DAGLA: variants seen among roughly 807,000 people sequenced by gnomAD.
DAGLA encodes the protein diacylglycerol lipase alpha.
A neutral mutation model predicts 102.6 loss-of-function variants in DAGLA; 22 were observed. The observed-to-expected ratio is 0.21, with a 90% confidence interval of 0.15 to 0.31. The LOEUF (loss-of-function observed/expected upper bound fraction) is 0.31, where lower values mean the gene tolerates loss of function less well. Among genes scored for constraint, DAGLA ranks in the 10% least tolerant of loss-of-function variants. The probability of loss-of-function intolerance (pLI) is 1.00; values close to 1 mark genes in which losing one functional copy is unlikely to be tolerated. For synonymous variants in DAGLA, 578 were observed against 628.9 expected (o/e 0.92, Z 1.21); for missense variants, 927 against 1,446.6 (o/e 0.64, Z 5.83).
rs1441104310 is a variant in DAGLA, at chr11:61,746,828, C to T, written c.*2339C>T. ...GCCGGGCCCCACAGACCCTCATGCA[C>T]TCTCTTACGTGCCATTCTCCCCAGA... is the stretch of plus-strand genomic sequence containing the variant. On this transcript the variant is annotated 3_prime_UTR_variant, in exon 20 of 20. Coordinates refer to ENST00000257215, the MANE Select transcript of DAGLA (RefSeq NM_006133.3). 6.6e-6 allele frequency: 1 copy of T among 152,628 alleles called. No individual in the cohort carries two copies. The highest frequency in any genetic ancestry group is 2.4e-5 in the African/African-American group (1 of 41,458). 9.5% of individuals were successfully genotyped at this position (152,628 alleles called of 1,614,324 possible).
At chr11:61,685,297 T>A (rs1259960195) in intron 1 of DAGLA, among the ~76,000 whole-genome samples, 2 of 152,142 alleles carry the variant, frequency 1.3e-5, no homozygotes, top group Admixed American at 6.5e-5. Flanking sequence ...AAACACGCAC[T>A]GAAAAAATGT....
At chr11:61,698,154 G>A (rs541923445) in intron 1 of DAGLA, among the ~76,000 whole-genome samples, 34 of 152,356 alleles carry the variant, frequency 2.2e-4, no homozygotes, top group African/African-American at 7.7e-4. Context: ...CTTGTCCTGG[G>A]CTGGCATCCT....
At chr11:61,696,587 C>T (rs945079069) in intron 1 of DAGLA, among the ~76,000 whole-genome samples, 86 of 5,894 alleles carry the variant, frequency 0.015, no homozygotes, top group African/African-American at 0.062. Flanking sequence ...CTGGGCGACC[C>T]GGGGTTGGGG....
In DAGLA at chr11:61,735,833, AC is replaced by A. The variant is rs2065418334; in HGVS notation, c.1290+21del. 1 of 1,596,876 alleles carries A rather than the reference AC, an allele frequency of 6.3e-7. No individual in the cohort carries two copies. Among genetic ancestry groups the A allele is most frequent in the African/African-American group, 1.3e-5 (1 of 74,494 alleles). ...GGCCACAAGGTAACCCACGTCATGG[AC>A]CCCAGGGCCCCTGGGCTTCTTTCCT... On this transcript the variant is annotated intron_variant, in intron 12 of 19. Transcript: ENST00000257215.
rs140689758 is a variant in DAGLA, at chr11:61,734,556, A to T, written c.975-293A>T. Among the ~76,000 whole-genome samples the T allele has an allele frequency of 3.4e-4, 52 of 152,196 alleles. No homozygotes were observed. The highest frequency in any genetic ancestry group is 5.6e-4 in the Non-Finnish European group (38 of 68,004). ...ACCCCAGGGCTTCAGTGTTGGGTGCATCGCTGAGTAGGCCCTGCCCGGAGG... is the reference window on the plus strand; with the variant it reads ...ACCCCAGGGCTTCAGTGTTGGGTGCTTCGCTGAGTAGGCCCTGCCCGGAGG... On this transcript the variant is annotated intron_variant, in intron 9 of 19. Transcript: ENST00000257215. This position sits in a 1 kb window ranked among gnomAD's most constrained non-coding sequence, Gnocchi z 4.2.
In DAGLA at chr11:61,680,470, C is replaced by A. The variant is rs560610024; in HGVS notation, c.-79C>A. 1.3e-5 allele frequency: 2 copies of A among 151,588 alleles called. No homozygotes were observed. The highest frequency in any genetic ancestry group is 1.8e-4 in the South Asian group (1 of 5,458). 9.4% of individuals were successfully genotyped at this position (151,588 alleles called of 1,614,324 possible). ...GGGAGCCCAGGATGGAGGTGGCGGT[C>A]GCGGCGGCGGGCCGAGCCCTGCGGC... On this transcript the variant is annotated 5_prime_UTR_variant, in exon 1 of 20. Coordinates refer to ENST00000257215, the MANE Select transcript of DAGLA (RefSeq NM_006133.3).
chr11:61,719,292 G>A (rs1004292863), intron 1 of DAGLA, among the ~76,000 whole-genome samples: 1 of 152,306 alleles, frequency 6.6e-6, no homozygotes, highest in South Asian at 2.1e-4. Flanking sequence ...CATGGCTCAG[G>A]GTGGGCTTGG....
In DAGLA at chr11:61,737,193, C is replaced by A; in HGVS notation, c.1383C>A (p.Thr461=). 1 of 1,613,582 alleles carries A rather than the reference C, an allele frequency of 6.2e-7. No individual in the cohort carries two copies. ...QAFGRDLGRG[T]KHYGLIVVGH... ...CTCTCGGTCTCCAGGGCCGCGGAAC[C>A]AAACACTACGGCCTGATTGTGGTGG... Residue 461 remains threonine (T), a synonymous_variant, in exon 14 of 20, where the codon ACC becomes ACA. Transcript: ENST00000257215.
At position 61,734,705 on chromosome 11, in the gene DAGLA, G is replaced by A. The variant is rs2065408504; in HGVS notation, c.975-144G>A. On this transcript the variant is annotated intron_variant, in intron 9 of 19. Transcript: ENST00000257215. The surrounding 1 kb of genome is among the most constrained non-coding windows in gnomAD (Gnocchi z 4.2). ...GTGGCCAGTGGATTTGGTGACGTGG[G>A]GGTCACTAGGACTTAGCAAGGGCAA... 8.5e-6 allele frequency: 6 copies of A among 704,460 alleles called. No individual in the cohort carries two copies. Among genetic ancestry groups the A allele is most frequent in the Non-Finnish European group, 1.4e-5 (6 of 420,934 alleles). 43.6% of individuals were successfully genotyped at this position (704,460 alleles called of 1,614,324 possible).
rs1487597701 is a variant in DAGLA, at chr11:61,720,757, C to T, written c.174C>T (p.His58=). ...HEACSLNLVD[H]GRGYLGILLS... ...CCTGCTCCCTGAACCTGGTGGACCA[C>T]GGCCGCGGCTACCTGGGCATCCTGC... Residue 58 remains histidine, a synonymous_variant, in exon 3 of 20, where the codon CAC becomes CAT. Coordinates refer to ENST00000257215, the MANE Select transcript of DAGLA (RefSeq NM_006133.3). The T allele has an allele frequency of 6.2e-6, 10 of 1,613,968 alleles. No individual in the cohort carries two copies. Among genetic ancestry groups the T allele is most frequent in the Non-Finnish European group, 6.8e-6 (8 of 1,180,044 alleles).
intron 1 of DAGLA, among the ~76,000 whole-genome samples, chr11:61,715,173 A>G (rs1270536461): frequency 6.6e-6 from 1 of 152,160 alleles, no homozygotes; most frequent in Non-Finnish European, 1.5e-5. Flanking sequence ...ACACTGTGGA[A>G]TGAGAGCGAC....
intron 8 of DAGLA, among the ~76,000 whole-genome samples, chr11:61,729,808 T>C (rs2065359438): frequency 6.6e-6 from 1 of 151,940 alleles, no homozygotes; most frequent in African/African-American, 2.4e-5. Context: ...TGTGCTGCCT[T>C]GTGCCTGCAA....
At chr11:61,694,832 G>A (rs565284048) in intron 1 of DAGLA, among the ~76,000 whole-genome samples, 5 of 152,112 alleles carry the variant, frequency 3.3e-5, no homozygotes, top group Non-Finnish European at 5.9e-5. Flanking sequence ...TTTCTGGATC[G>A]CTCGCATTAC....
At chr11:61,708,834 C>T (rs1420462660) in intron 1 of DAGLA, among the ~76,000 whole-genome samples, 1 of 152,242 alleles carries the variant, frequency 6.6e-6, no homozygotes, top group East Asian at 1.9e-4. Flanking sequence ...AATCAAGGCA[C>T]TGGGACCAAA....
intron 1 of DAGLA, among the ~76,000 whole-genome samples, chr11:61,700,602 T>C (rs1008388284): frequency 2.0e-5 from 3 of 152,200 alleles, no homozygotes; most frequent in Admixed American, 6.5e-5. Flanking sequence ...AATTAGCTGC[T>C]GATGGATCTG....
intron 1 of DAGLA, among the ~76,000 whole-genome samples, chr11:61,717,459 A>G (rs2065244760): frequency 6.6e-6 from 1 of 151,230 alleles, no homozygotes; most frequent in Non-Finnish European, 1.5e-5. Flanking sequence ...GGTTCCTTGC[A>G]CTCCCTCCGC....
At chr11:61,698,597 C>T (rs2135558035) in intron 1 of DAGLA, among the ~76,000 whole-genome samples, 1 of 152,342 alleles carries the variant, frequency 6.6e-6, no homozygotes, top group South Asian at 2.1e-4. Context: ...TGGGGAAGCT[C>T]ACTCTTACCC....
In DAGLA at chr11:61,740,479, G is replaced by A. The variant is rs760371867; in HGVS notation, c.1870G>A (p.Glu624Lys). 6.2e-7 allele frequency: 1 copy of A among 1,613,706 alleles called. No homozygotes were observed. The highest frequency in any genetic ancestry group is 1.3e-5 in the African/African-American group (1 of 75,050). Residue 624 changes from glutamate (E) to lysine (K), a missense_variant, in exon 18 of 20, where the codon GAG (glutamate) becomes AAG (lysine). Physicochemically the swap from Glu to Lys is moderately conservative, Grantham distance 56. Transcript: ENST00000257215. ...CCCTCTCAGCTGCTGTGAGCAGGAG[G>A]AGCCCACATACTTTGCCATCTGGGG... ...AEQCCCCEQEEPTYFAIWGDN... is the reference protein window; with the variant it reads ...AEQCCCCEQEKPTYFAIWGDN...
chr11:61,744,038 G>C lies in DAGLA; in HGVS notation c.2678G>C (p.Gly893Ala). 1.2e-6 allele frequency: 2 copies of C among 1,612,472 alleles called. No individual in the cohort carries two copies. Among genetic ancestry groups the C allele is most frequent in the South Asian group, 2.2e-5 (2 of 91,070 alleles). The change falls in exon 20 of 20, where the codon GGG (glycine) becomes GCG (alanine). Residue 893 changes from glycine (G) to alanine (A), a missense_variant. Transcript: ENST00000257215. ...GGGGGTGGCGGGCCGGCCTCCCGCGGGGAGCTGGCGCTGCACAATGGGCGC... is the reference window on the plus strand; with the variant it reads ...GGGGGTGGCGGGCCGGCCTCCCGCGCGGAGCTGGCGCTGCACAATGGGCGC... Reference protein sequence around the residue: ...GGGGGGPASRGELALHNGRLG... With the variant: ...GGGGGGPASRAELALHNGRLG...
Sources: gnomAD v4.1 joint callset for allele counts (sites outside exome capture counted in the v4.1 genomes callset) on GRCh38, gnomAD v4.1.1 for gene constraint, Gnocchi (gnomAD v3.1) non-coding constraint, MANE v1.5 for transcripts, NCBI Gene and HGNC (gene_info 2026-07-23, HGNC 2026-07-21) for gene names.